Variants in SSBP1 observed in about 807,000 individuals in gnomAD.
The protein encoded by SSBP1 is single stranded DNA binding protein 1.
In SSBP1, 20 loss-of-function variants were observed where a neutral mutation model predicts 27.0. The ratio of observed to expected loss-of-function variants is 0.74; its 90% CI spans 0.52 to 1.08. The LOEUF (loss-of-function observed/expected upper bound fraction) is 1.08, where lower values mean the gene tolerates loss of function less well. SSBP1 is among the 50% of genes least tolerant of loss of function. The pLI is 0.00. For synonymous variants in SSBP1, 59 were observed against 59.3 expected, an observed-to-expected ratio of 1.00 and a Z score of 0.02; for missense variants, 137 against 182.4, an observed-to-expected ratio of 0.75 and a Z score of 1.44.
chr7:141,743,121 G>A (rs556184770), intron 3 of SSBP1, among the ~76,000 whole-genome samples: 33 of 152,328 alleles, frequency 2.2e-4, no homozygotes, highest in South Asian at 6.2e-4. Context: ...CCAAAGTGCT[G>A]GGATTACAGG....
intron 6 of SSBP1, 150 bp downstream of exon 6, chr7:141,745,734 A>G (rs1799758133): frequency 7.2e-7 from 1 of 1,382,246 alleles, no homozygotes. Context: ...TTATTTCTCT[A>G]CTTGCTAAGA....
chr7:141,749,112 A>G (rs1378920609), intron 6 of SSBP1, among the ~76,000 whole-genome samples: 1 of 152,242 alleles, frequency 6.6e-6, no homozygotes, highest in Non-Finnish European at 1.5e-5. Context: ...ACCAATAAAA[A>G]TAATACAACA....
chr7:141,748,149 T>TTATTTTGAATTATTTTGAA (rs1416833617), intron 6 of SSBP1, among the ~76,000 whole-genome samples: 1 of 152,080 alleles, frequency 6.6e-6, no homozygotes, highest in African/African-American at 2.4e-5. Flanking sequence ...CGACTTGACC[T>TTATTTTGAATTATTTTGAA]ACACCTGGAT....
At chr7:141,738,851 A>G (rs915811328) in intron 1 of SSBP1, 1 of 303,208 alleles carries the variant, frequency 3.3e-6, no homozygotes, top group Non-Finnish European at 6.1e-6. Context: ...ATTTGAGAAG[A>G]CAGTGGATTG....
intron 4 of SSBP1, 43 bp downstream of exon 4, chr7:141,743,744 T>C (rs199799284): frequency 6.3e-7 from 1 of 1,594,136 alleles, no homozygotes; most frequent in East Asian, 2.2e-5. Context: ...CAGCAATAAA[T>C]AGATATTATT....
At chr7:141,741,939 A>G (rs941191588) in intron 2 of SSBP1, 2 of 576,502 alleles carry the variant, frequency 3.5e-6, no homozygotes, top group Admixed American at 3.8e-5. Flanking sequence ...AACTTTGAGC[A>G]TGCCTTCTAG....
chr7:141,740,658 A>G (rs1799492166), intron 2 of SSBP1: 1 of 152,220 alleles, frequency 6.6e-6, no homozygotes, highest in African/African-American at 2.4e-5. Context: ...GGTAGTGACT[A>G]CCTTTGCTGA....
chr7:141,739,305 C>T (rs1363792723), intron 2 of SSBP1, 115 bp downstream of exon 2: 12 of 708,738 alleles, frequency 1.7e-5, no homozygotes, highest in Non-Finnish European at 2.6e-5. Context: ...ACCCACCCAC[C>T]TCTATACTCA....
At chr7:141,746,138 A>T (rs951476895) in intron 6 of SSBP1, 9 of 229,302 alleles carry the variant, frequency 3.9e-5, no homozygotes, top group Non-Finnish European at 5.7e-5. Flanking sequence ...CTCCTGCCTC[A>T]GCCTCCTGAG....
intron 6 of SSBP1, chr7:141,746,182 G>A (rs1405430450): frequency 1.8e-5 from 3 of 166,648 alleles, no homozygotes; most frequent in Non-Finnish European, 3.7e-5. Context: ...CACACCACCT[G>A]GCTAATTTTT....
At chr7:141,744,235 G>A (rs572264373) in intron 5 of SSBP1, among the ~76,000 whole-genome samples, 2 of 152,374 alleles carry the variant, frequency 1.3e-5, no homozygotes, top group African/African-American at 4.8e-5. Flanking sequence ...CAAACAGGGT[G>A]TGTACATAAA....
intron 6 of SSBP1, chr7:141,746,386 GC>G (rs1324694302): frequency 2.0e-5 from 3 of 152,168 alleles, no homozygotes; most frequent in Non-Finnish European, 2.9e-5. Context: ...TGTCAACCAG[GC>G]TGGAGTGCAA....
chr7:141,742,701 T>C (rs1300986353), intron 3 of SSBP1, among the ~76,000 whole-genome samples: 1 of 152,224 alleles, frequency 6.6e-6, no homozygotes, highest in Non-Finnish European at 1.5e-5. Context: ...ACTATTTTCT[T>C]CTTTCTTGCC....
chr7:141,744,141 A>G (rs1799676231), intron 5 of SSBP1, 152 bp downstream of exon 5: 1 of 645,556 alleles, frequency 1.5e-6, no homozygotes, highest in South Asian at 2.3e-5. Flanking sequence ...CCTTGATACT[A>G]TATGCATGGC....
At chr7:141,749,926 T>C (rs1004284782) in intron 6 of SSBP1, among the ~76,000 whole-genome samples, 11 of 152,102 alleles carry the variant, frequency 7.2e-5, no homozygotes, top group Non-Finnish European at 1.5e-5. Context: ...ACCCCCAGAG[T>C]GTAGAATGTG....
At position 141,743,999 on chromosome 7, in the gene SSBP1, A is replaced by G; in HGVS notation, c.314+10A>G. 1 of 1,608,646 alleles carries G rather than the reference A, an allele frequency of 6.2e-7. No homozygotes were observed. Among genetic ancestry groups the G allele is most frequent in the Non-Finnish European group, 8.5e-7 (1 of 1,177,530 alleles). The stretch of plus-strand genomic sequence containing the variant: ...AATATGTGAAAAAGGGGTAAGTTGA[A>G]GAGGGAAGGATCTTATGAATTGAAT... On this transcript the variant is annotated intron_variant, in intron 5 of 6. Transcript: ENST00000265304.
At chr7:141,742,400 A>G (rs568875162) in intron 3 of SSBP1, among the ~76,000 whole-genome samples, 171 bp downstream of exon 3, 1 of 152,316 alleles carries the variant, frequency 6.6e-6, no homozygotes, top group East Asian at 1.9e-4. Context: ...GACATAGTAT[A>G]AACTGAGCCC....
chr7:141,738,867 G>A (rs1226915945), intron 1 of SSBP1: 2 of 329,324 alleles, frequency 6.1e-6, no homozygotes, highest in African/African-American at 4.2e-5. Flanking sequence ...GATTGGAAGT[G>A]GGATTAACTC....
In SSBP1 at chr7:141,750,399, C is replaced by G; in HGVS notation, c.*45C>G. ...GCCATCATTTGGTACAGTCTCATTT[C>G]CAAGTCATGTATAATCTTTATGGCT... On this transcript the variant is annotated 3_prime_UTR_variant, in exon 7 of 7. Transcript: ENST00000265304. 6.8e-7 allele frequency: 1 copy of G among 1,477,506 alleles called. No homozygotes were observed. The highest frequency in any genetic ancestry group is 1.8e-4 in the Middle Eastern group (1 of 5,714). The allele number at this position is 1,477,506 out of a possible 1,614,324, so 91.5% of individuals were successfully genotyped here. A position where few individuals can be genotyped will look rare whatever the true frequency, so the allele number is the denominator to read the frequency against.
Sources: gnomAD v4.1 joint callset for allele counts (sites outside exome capture counted in the v4.1 genomes callset) on GRCh38, gnomAD v4.1.1 for gene constraint, MANE v1.5 for transcripts, NCBI Gene and HGNC (gene_info 2026-07-23, HGNC 2026-07-21) for gene names.